The following CSMD1 variants were observed in gnomAD, a reference collection of about 807,000 sequenced individuals.
CSMD1 encodes the protein CUB and Sushi multiple domains 1.
A neutral mutation model predicts 417.5 loss-of-function variants in CSMD1; 213 were observed. The ratio of observed to expected loss-of-function variants is 0.51; its 90% confidence interval spans 0.46 to 0.57. The LOEUF is 0.57. CSMD1 is among the 20% of genes least tolerant of loss of function. The pLI is 0.00. For synonymous variants in CSMD1, 2,862 were observed against 1,736.8 expected, an observed-to-expected ratio of 1.65 and a Z score of -16.11; for missense variants, 6,923 against 4,529.7, an observed-to-expected ratio of 1.53 and a Z score of -15.17.
At chr8:3,105,021 G>T (rs1216389566) in intron 46 of CSMD1, among the ~76,000 whole-genome samples, 3 of 152,202 alleles carry the variant, frequency 2.0e-5, no homozygotes, top group African/African-American at 7.2e-5. Context: ...TCAGACCTTT[G>T]AAGAGGATCC....
intron 1 of CSMD1, among the ~76,000 whole-genome samples, chr8:4,827,638 G>T (rs770502708): frequency 3.9e-5 from 6 of 152,080 alleles, no homozygotes; most frequent in Non-Finnish European, 8.8e-5. Flanking sequence ...TAAGTCTTTA[G>T]GAATTCCCAG....
At chr8:4,899,949 G>C (rs867815865) in intron 1 of CSMD1, among the ~76,000 whole-genome samples, 4 of 152,152 alleles carry the variant, frequency 2.6e-5, no homozygotes, top group South Asian at 2.1e-4. Context: ...AGGCCTTTAA[G>C]AAATAGTTGT....
At chr8:3,605,277 A>G (rs575773469) in intron 8 of CSMD1, among the ~76,000 whole-genome samples, 9 of 152,300 alleles carry the variant, frequency 5.9e-5, no homozygotes, top group African/African-American at 1.9e-4. Context: ...GGCGTGCGCC[A>G]TCGCGCCCAG....
chr8:3,127,926 G>A (rs1817593235), intron 41 of CSMD1: 2 of 130,064 alleles, frequency 1.5e-5, no homozygotes. Flanking sequence ...AAGGAAGGAA[G>A]GAAGGAAGGG....
At chr8:4,187,020 C>T (rs770801748) in intron 3 of CSMD1, among the ~76,000 whole-genome samples, 2 of 152,092 alleles carry the variant, frequency 1.3e-5, no homozygotes, top group African/African-American at 2.4e-5. Context: ...AAGTGTTCTT[C>T]TTCCTTTATA....
intron 7 of CSMD1, among the ~76,000 whole-genome samples, chr8:3,643,688 G>A (rs1393854453): frequency 8.8e-6 from 1 of 114,018 alleles, no homozygotes; most frequent in Non-Finnish European, 1.7e-5. Flanking sequence ...GCGACAGCGT[G>A]AGACTCCGTC....
At chr8:4,612,558 G>T (rs192972554) in intron 2 of CSMD1, among the ~76,000 whole-genome samples, 1 of 152,130 alleles carries the variant, frequency 6.6e-6, no homozygotes. Context: ...CGAGGAACTG[G>T]AGGAACAGTG....
intron 3 of CSMD1, among the ~76,000 whole-genome samples, chr8:4,075,078 T>C (rs930585135): frequency 6.6e-6 from 1 of 152,180 alleles, no homozygotes; most frequent in Admixed American, 6.5e-5. Flanking sequence ...TGAATAATAT[T>C]TCTTCAGTAT....
chr8:2,953,723 AC>A (rs1313463539), intron 65 of CSMD1, among the ~76,000 whole-genome samples: 1 of 152,242 alleles, frequency 6.6e-6, no homozygotes, highest in African/African-American at 2.4e-5. Context: ...AAAAGGTGCC[AC>A]ATACAACAAA....
At chr8:4,412,860 A>G (rs1354836515) in intron 3 of CSMD1, among the ~76,000 whole-genome samples, 1 of 152,202 alleles carries the variant, frequency 6.6e-6, no homozygotes, top group African/African-American at 2.4e-5. Flanking sequence ...TGCCTGCTCA[A>G]ACAAGGAATT....
chr8:3,522,709 G>A (rs919594756), intron 10 of CSMD1, among the ~76,000 whole-genome samples: 9 of 151,946 alleles, frequency 5.9e-5, no homozygotes, highest in South Asian at 2.1e-4. Flanking sequence ...CATTCACACC[G>A]ATACTGATTC....
chr8:3,218,529 C>G (rs1798013118), intron 29 of CSMD1, among the ~76,000 whole-genome samples: 1 of 144,490 alleles, frequency 6.9e-6, no homozygotes, highest in South Asian at 2.2e-4. Context: ...CTGCAGCACT[C>G]CAGCCTGCAT....
intron 3 of CSMD1, among the ~76,000 whole-genome samples, chr8:4,156,729 G>A (rs1451345989): frequency 6.6e-6 from 1 of 152,134 alleles, no homozygotes; most frequent in Admixed American, 6.5e-5. Flanking sequence ...TTGCAGTGGG[G>A]CCAGTGACAG....
chr8:4,427,879 C>G (rs117354079), intron 2 of CSMD1, among the ~76,000 whole-genome samples: 5 of 152,136 alleles, frequency 3.3e-5, no homozygotes, highest in African/African-American at 1.2e-4. Flanking sequence ...TCAGGGATCA[C>G]TACTTAATAT....
chr8:4,823,162 G>C (rs948043871), intron 1 of CSMD1, among the ~76,000 whole-genome samples: 7 of 152,032 alleles, frequency 4.6e-5, no homozygotes, highest in Admixed American at 2.0e-4. Context: ...CGTCACAACT[G>C]CTGGTTCCTG....
At chr8:3,023,234 C>G (rs1423052958) in intron 51 of CSMD1, among the ~76,000 whole-genome samples, 1 of 152,146 alleles carries the variant, frequency 6.6e-6, no homozygotes, top group Non-Finnish European at 1.5e-5. Context: ...ACACAGACAG[C>G]CCAGAATTTA....
At chr8:3,664,532 G>C (rs1389694178) in intron 7 of CSMD1, among the ~76,000 whole-genome samples, 3 of 152,160 alleles carry the variant, frequency 2.0e-5, no homozygotes, top group East Asian at 1.9e-4. Flanking sequence ...GCTGATGGTG[G>C]GTCAAGAGCG....
intron 2 of CSMD1, among the ~76,000 whole-genome samples, chr8:4,540,936 G>T (rs138671797): frequency 2.6e-5 from 4 of 152,292 alleles, no homozygotes; most frequent in East Asian, 3.9e-4. Flanking sequence ...AAACTGAACA[G>T]CTATGATTCT....
chr8:4,056,088 T>TC (rs796736049), intron 3 of CSMD1, among the ~76,000 whole-genome samples: 46 of 145,828 alleles, frequency 3.2e-4, no homozygotes, highest in African/African-American at 1.1e-3. Flanking sequence ...CTTTTTTTTT[T>TC]TTTTTTTTTT....
Sources: allele counts gnomAD v4.1 joint callset (sites outside exome capture counted in the v4.1 genomes callset), GRCh38; gene constraint gnomAD v4.1.1; transcripts MANE v1.5; gene names NCBI Gene and HGNC (gene_info 2026-07-23, HGNC 2026-07-21).